KCNIP4: variants seen among roughly 807,000 people sequenced by gnomAD.
KCNIP4 encodes the protein potassium voltage-gated channel interacting protein 4.
A neutral mutation model predicts 34.0 loss-of-function variants in KCNIP4; 12 were observed. The observed-to-expected ratio is 0.35, with a 90% CI of 0.23 to 0.57. KCNIP4 has a LOEUF of 0.57. Among genes scored for constraint, KCNIP4 ranks in the 20% least tolerant of loss-of-function variants. KCNIP4 has a pLI of 0.83. For missense variants in KCNIP4, 238 were observed against 311.7 expected (o/e 0.76, Z 1.78); for synonymous variants, 124 against 102.2 (o/e 1.21, Z -1.29).
At chr4:20,960,160 C>T (rs1243045170) in intron 1 of KCNIP4, among the ~76,000 whole-genome samples, 5 of 152,176 alleles carry the variant, frequency 3.3e-5, no homozygotes, top group African/African-American at 1.2e-4. Flanking sequence ...ATGATAAAAG[C>T]ATGTGTTCCA....
chr4:20,955,896 A>G (rs1280625390), intron 1 of KCNIP4, among the ~76,000 whole-genome samples: 1 of 152,194 alleles, frequency 6.6e-6, no homozygotes, highest in Non-Finnish European at 1.5e-5. Context: ...GCAAATGGGA[A>G]GGTTATAGTG....
intron 1 of KCNIP4, among the ~76,000 whole-genome samples, chr4:21,348,165 C>A (rs900988731): frequency 6.6e-6 from 1 of 152,072 alleles, no homozygotes; most frequent in African/African-American, 2.4e-5. Context: ...ACTGGTATAT[C>A]GATTTTTTTC....
chr4:21,107,959 C>T (rs148216010), intron 1 of KCNIP4, among the ~76,000 whole-genome samples: 42,257 of 150,648 alleles, frequency 0.28, 6,779 homozygotes, highest in African/African-American at 0.41. Context: ...GAGTTTCTGC[C>T]GAGAAATCTG....
At chr4:21,881,781 C>T (rs1726476995) in intron 1 of KCNIP4, among the ~76,000 whole-genome samples, 1 of 152,024 alleles carries the variant, frequency 6.6e-6, no homozygotes. Flanking sequence ...TGACAGTTTC[C>T]CAAAACAACA....
At chr4:21,394,566 G>A (rs968019628) in intron 1 of KCNIP4, among the ~76,000 whole-genome samples, 1 of 152,230 alleles carries the variant, frequency 6.6e-6, no homozygotes. Flanking sequence ...TGGGAATGTA[G>A]GGCTCCTGTG....
At chr4:20,960,188 C>T (rs568338071) in intron 1 of KCNIP4, among the ~76,000 whole-genome samples, 5 of 152,168 alleles carry the variant, frequency 3.3e-5, no homozygotes, top group South Asian at 4.2e-4. Context: ...GTTTGAATGC[C>T]CCCTTGTCCC....
At chr4:21,521,708 C>G (rs1022913429) in intron 1 of KCNIP4, among the ~76,000 whole-genome samples, 20 of 152,240 alleles carry the variant, frequency 1.3e-4, no homozygotes, top group Admixed American at 3.3e-4. Flanking sequence ...ACCACCTCCT[C>G]CAATTTGGAC....
At chr4:21,451,710 G>T (rs181775494) in intron 1 of KCNIP4, among the ~76,000 whole-genome samples, 1 of 152,058 alleles carries the variant, frequency 6.6e-6, no homozygotes, top group Admixed American at 6.6e-5. Flanking sequence ...TACCAAACAC[G>T]TCAGTGGTGT....
chr4:21,360,605 A>C (rs1307831798), intron 1 of KCNIP4, among the ~76,000 whole-genome samples: 2 of 152,072 alleles, frequency 1.3e-5, no homozygotes, highest in Non-Finnish European at 2.9e-5. Flanking sequence ...GGGTTTCTTT[A>C]AACTAACAAT....
chr4:21,040,744 C>A (rs1476622216), intron 1 of KCNIP4, among the ~76,000 whole-genome samples: 1 of 151,978 alleles, frequency 6.6e-6, no homozygotes, highest in Non-Finnish European at 1.5e-5. Flanking sequence ...ACTAAGGACT[C>A]ATGAATGGGA....
At chr4:21,476,630 G>A (rs1041579400) in intron 1 of KCNIP4, among the ~76,000 whole-genome samples, 12 of 151,990 alleles carry the variant, frequency 7.9e-5, no homozygotes, top group African/African-American at 1.4e-4. Context: ...ATTTCTTTAC[G>A]GCAACCCAAT....
At chr4:21,382,982 A>G (rs1438268557) in intron 1 of KCNIP4, among the ~76,000 whole-genome samples, 1 of 152,164 alleles carries the variant, frequency 6.6e-6, no homozygotes, top group Non-Finnish European at 1.5e-5. Flanking sequence ...GAGACAGAGC[A>G]TTTAAAGAGG....
chr4:21,841,759 T>G (rs1723699245), intron 1 of KCNIP4, among the ~76,000 whole-genome samples: 1 of 152,260 alleles, frequency 6.6e-6, no homozygotes, highest in East Asian at 1.9e-4. Context: ...TAAATGATAT[T>G]TTTAAAAAAT....
chr4:21,304,920 C>T (rs1056160183), intron 1 of KCNIP4, among the ~76,000 whole-genome samples: 4 of 151,856 alleles, frequency 2.6e-5, no homozygotes. Flanking sequence ...TCCTTCTATC[C>T]TTTATAAATA....
At chr4:20,733,562 T>G (rs533870321) in intron 6 of KCNIP4, among the ~76,000 whole-genome samples, 2 of 152,296 alleles carry the variant, frequency 1.3e-5, no homozygotes, top group South Asian at 4.1e-4. Context: ...TGAAACCTTT[T>G]AAGATGTTTT....
chr4:21,432,402 A>G (rs1726572564), intron 1 of KCNIP4, among the ~76,000 whole-genome samples: 1 of 151,864 alleles, frequency 6.6e-6, no homozygotes, highest in Non-Finnish European at 1.5e-5. Context: ...GGTTCCCACA[A>G]AGTACTTAAG....
At chr4:21,654,333 TGCAAGGGCATTTA>T (rs1209328587) in intron 1 of KCNIP4, among the ~76,000 whole-genome samples, 1 of 152,190 alleles carries the variant, frequency 6.6e-6, no homozygotes, top group Non-Finnish European at 1.5e-5. Flanking sequence ...GTGTACCTGG[TGCAAGGGCATTTA>T]GTCAAGAGGA....
At chr4:21,521,327 T>A (rs1041123126) in intron 1 of KCNIP4, among the ~76,000 whole-genome samples, 15 of 152,168 alleles carry the variant, frequency 9.9e-5, no homozygotes, top group African/African-American at 3.4e-4. Flanking sequence ...GATAGAATAG[T>A]CCCTTTAATT....
intron 1 of KCNIP4, among the ~76,000 whole-genome samples, chr4:21,856,703 G>T (rs1306086136): frequency 6.6e-6 from 1 of 152,064 alleles, no homozygotes; most frequent in Non-Finnish European, 1.5e-5. Flanking sequence ...GCACTCTCAG[G>T]AGCCCTGGAA....
Sources: gnomAD v4.1 joint callset for allele counts (sites outside exome capture counted in the v4.1 genomes callset) on GRCh38, gnomAD v4.1.1 for gene constraint, MANE v1.5 for transcripts, NCBI Gene and HGNC (gene_info 2026-07-23, HGNC 2026-07-21) for gene names.